VWA5B2: variants seen among roughly 807,000 people sequenced by gnomAD.
VWA5B2 encodes the protein von Willebrand factor A domain-containing protein 5B2.
Under a neutral mutation model 118.5 loss-of-function variants are expected in VWA5B2, and 93 were observed. The observed-to-expected ratio is 0.79, with a 90% CI of 0.66 to 0.93. The LOEUF (loss-of-function observed/expected upper bound fraction) is 0.93, where lower values mean the gene tolerates loss of function less well. VWA5B2 is among the 40% of genes least tolerant of loss of function. The pLI, the probability that VWA5B2 is intolerant of heterozygous loss-of-function variation, is 0.00. For synonymous variants in VWA5B2, 708 were observed against 716.3 expected, an observed-to-expected ratio of 0.99 and a Z score of 0.19; for missense variants, 1,546 against 1,672.8, an observed-to-expected ratio of 0.92 and a Z score of 1.32.
In VWA5B2 at chr3:184,239,017, C is replaced by T; in HGVS notation, c.2202+144C>T. On this transcript the variant is annotated intron_variant, in intron 14 of 19. Transcript: ENST00000691901. The surrounding 1 kb of genome is among the most constrained non-coding windows in gnomAD (Gnocchi z 5.1). Reference sequence around the variant, plus strand: ...AATCCCCAACGATACCATGTAACAACCAGTGATGAGCACAAGGACATGTAT... The same window carrying T: ...AATCCCCAACGATACCATGTAACAATCAGTGATGAGCACAAGGACATGTAT... 1.1e-6 allele frequency: 1 copy of T among 935,510 alleles called. No homozygotes were observed. Among genetic ancestry groups the T allele is most frequent in the Non-Finnish European group, 1.6e-6 (1 of 638,310 alleles). 58.0% of individuals were successfully genotyped at this position (935,510 alleles called of 1,614,324 possible). A position where few individuals can be genotyped will look rare whatever the true frequency, so the allele number is the denominator to read the frequency against.
rs1197566384 is a variant in VWA5B2, at chr3:184,236,278, G to C, written c.1212+16G>C. On this transcript the variant is annotated intron_variant, in intron 9 of 19. Coordinates refer to ENST00000691901, the MANE Select transcript of VWA5B2 (RefSeq NM_001390846.1). Reference sequence around the variant, plus strand: ...TTGCAGTGATGTGAGTGTGGTCCAGGGATCTGGGGGCCTTACAGAGAGGTT... The same window carrying C: ...TTGCAGTGATGTGAGTGTGGTCCAGCGATCTGGGGGCCTTACAGAGAGGTT... 2 of 1,551,724 alleles carry C rather than the reference G, an allele frequency of 1.3e-6. No individual in the cohort carries two copies. The highest frequency in any genetic ancestry group is 1.4e-5 in the African/African-American group (1 of 73,182).
rs1414566755 is a variant in VWA5B2, at chr3:184,241,484, C to T, written c.3181-6C>T. The T allele has an allele frequency of 3.2e-6, 5 of 1,554,056 alleles. No individual in the cohort carries two copies. Among genetic ancestry groups the T allele is most frequent in the Non-Finnish European group, 2.6e-6 (3 of 1,148,252 alleles). ...TCGCTTCTCCCCCCACCTCCTCTCTCCTCAGGTGCGGCTGCAGGAGGCACC... is the reference window on the plus strand; with the variant it reads ...TCGCTTCTCCCCCCACCTCCTCTCTTCTCAGGTGCGGCTGCAGGAGGCACC... On this transcript the variant is annotated splice_region_variant and splice_polypyrimidine_tract_variant and intron_variant, in intron 19 of 19. Transcript: ENST00000691901. This position sits in a 1 kb window ranked among gnomAD's most constrained non-coding sequence, Gnocchi z 5.1.
In VWA5B2 at chr3:184,239,986, A is replaced by C; in HGVS notation, c.2690A>C (p.Asp897Ala). 1 of 1,550,418 alleles carries C rather than the reference A, an allele frequency of 6.4e-7. No individual in the cohort carries two copies. Among genetic ancestry groups the C allele is most frequent in the Non-Finnish European group, 8.7e-7 (1 of 1,146,698 alleles). The change falls in exon 16 of 20, where the codon GAC becomes GCC. Residue 897 changes from aspartate (D) to alanine (A), a missense_variant. Asp to Ala is a moderately radical substitution (Grantham distance 126, BLOSUM62 -2). Transcript: ENST00000691901. This position sits in a 1 kb window ranked among gnomAD's most constrained non-coding sequence, Gnocchi z 5.1. ...HRLTAASVVR[D>A]NEQLALRGGA... is the part of the protein sequence containing the mutation. ...CTGACAGCAGCCTCTGTGGTCCGGG[A>C]CAATGAGCAGCTGGCCCTCCGAGGA...
At position 184,236,343 on chromosome 3, in the gene VWA5B2, G is replaced by C; in HGVS notation, c.1213G>C (p.Asp405His). 6.5e-7 allele frequency: 1 copy of C among 1,548,202 alleles called. No homozygotes were observed. Among genetic ancestry groups the C allele is most frequent in the Non-Finnish European group, 8.7e-7 (1 of 1,144,196 alleles). Residue 405 changes from aspartate (D) to histidine (H), a missense_variant and splice_region_variant, in exon 10 of 20, where the codon GAT becomes CAT. Asp to His is a moderately conservative substitution (Grantham distance 81). Coordinates refer to ENST00000691901, the MANE Select transcript of VWA5B2 (RefSeq NM_001390846.1). ...LFPESRPCSD[D>H]AVQLICESIE... ...CCCAGCCTGTGCCTTCTCGCTCCAG[G>C]ATGCTGTGCAGCTGATCTGCGAGAG... is the stretch of plus-strand genomic sequence containing the variant.
chr3:184,238,738 A>C lies in VWA5B2; in HGVS notation c.2067A>C (p.Ser689=), dbSNP rs1400255008. The change falls in exon 14 of 20, where the codon TCA becomes TCC. Residue 689 remains serine (S), a synonymous_variant. Transcript: ENST00000691901. This position sits in a 1 kb window ranked among gnomAD's most constrained non-coding sequence, Gnocchi z 5.0. ...GSTGSSESPG[S]QGPGSPEGSA... is the part of the protein sequence containing the mutation. ...CAGGCAGCAGTGAGTCCCCAGGCTC[A>C]CAGGGCCCTGGCTCCCCCGAAGGTA... 1 of 1,550,928 alleles carries C rather than the reference A, an allele frequency of 6.4e-7. No homozygotes were observed. Among genetic ancestry groups the C allele is most frequent in the South Asian group, 1.2e-5 (1 of 84,050 alleles).
intron 1 of VWA5B2, among the ~76,000 whole-genome samples, chr3:184,230,098 G>A (rs546428134): frequency 6.6e-6 from 1 of 152,230 alleles, no homozygotes; most frequent in African/African-American, 2.4e-5. Flanking sequence ...CCGCCTTCCC[G>A]GAGCATCTTC....
Position 184,239,620 on chromosome 3 carries a change from A to C in VWA5B2, c.2392+37A>C. The C allele has an allele frequency of 6.7e-7, 1 of 1,483,522 alleles. No homozygotes were observed. Among genetic ancestry groups the C allele is most frequent in the Non-Finnish European group, 9.0e-7 (1 of 1,108,334 alleles). The allele number at this position is 1,483,522 out of a possible 1,614,324, so 91.9% of individuals were successfully genotyped here. On this transcript the variant is annotated intron_variant, in intron 15 of 19. Coordinates refer to ENST00000691901, the MANE Select transcript of VWA5B2 (RefSeq NM_001390846.1). The surrounding 1 kb of genome is among the most constrained non-coding windows in gnomAD (Gnocchi z 5.1). Reference sequence around the variant, plus strand: ...ATGGGGAGCTGGTTTCCCTGACACCAAAGAGGCCTTGGGGAGGTAAAGCCC... The same window carrying C: ...ATGGGGAGCTGGTTTCCCTGACACCCAAGAGGCCTTGGGGAGGTAAAGCCC...
Position 184,236,584 on chromosome 3 carries a change from T to G in VWA5B2, c.1421+33T>G, listed in dbSNP as rs954412360. 8.4e-6 allele frequency: 13 copies of G among 1,548,102 alleles called. No individual in the cohort carries two copies. The African/African-American group carries it at 1.8e-4, about 21-fold the overall frequency. ...ATGGGCAGAACCAGATGCGTAAGACTGAGCCCCCACAAGGGGCTCCTGAAG... is the reference window on the plus strand; with the variant it reads ...ATGGGCAGAACCAGATGCGTAAGACGGAGCCCCCACAAGGGGCTCCTGAAG... On this transcript the variant is annotated intron_variant, in intron 10 of 19. Coordinates refer to ENST00000691901, the MANE Select transcript of VWA5B2 (RefSeq NM_001390846.1).
rs1461484466 is a variant in VWA5B2 at position 184,234,392 on chromosome 3, C to T, written c.815C>T (p.Pro272Leu). 1.9e-6 allele frequency: 3 copies of T among 1,551,652 alleles called. No individual in the cohort carries two copies. The African/African-American group carries it at 4.1e-5, about 21-fold the overall frequency. Residue 272 changes from proline (P) to leucine (L), a missense_variant, in exon 6 of 20, where the codon CCC becomes CTC. Coordinates refer to ENST00000691901, the MANE Select transcript of VWA5B2 (RefSeq NM_001390846.1). ...CGGGCCTTGGAGATCCTGCTGCACC[C>T]CAGTGGTGAGAGACTGGGACACACC... ...CDRALEILLHPSEPHQPHLML... is the reference protein window; with the variant it reads ...CDRALEILLHLSEPHQPHLML...
At chr3:184,230,726 G>T (rs1225989603) in intron 2 of VWA5B2, 21 bp from the exon 3 acceptor site, 9 of 1,216,082 alleles carry the variant, frequency 7.4e-6, no homozygotes, top group Non-Finnish European at 9.2e-6. Context: ...GTCCGACGCC[G>T]CCTCCCGCCG....
chr3:184,236,412 G>T lies in VWA5B2; in HGVS notation c.1282G>T (p.Ala428Ser). 1 of 1,545,998 alleles carries T rather than the reference G, an allele frequency of 6.5e-7. No homozygotes were observed. ...QVPSGPPDVLAALDWAVGQPQ... is the reference protein window; with the variant it reads ...QVPSGPPDVLSALDWAVGQPQ... ...TCCGAGTGGGCCCCCAGACGTGCTG[G>T]CTGCTCTGGACTGGGCCGTGGGGCA... Residue 428 changes from alanine (A) to serine (S), a missense_variant, in exon 10 of 20, where the codon GCT (alanine) becomes TCT (serine). Ala to Ser is a moderately conservative substitution (Grantham distance 99). Transcript: ENST00000691901.
rs1577086651 is a variant in VWA5B2 at position 184,233,445 on chromosome 3, T to A, written c.530+48T>A. 2 of 1,500,558 alleles carry A rather than the reference T, an allele frequency of 1.3e-6. No homozygotes were observed. Among genetic ancestry groups the A allele is most frequent in the Middle Eastern group, 1.7e-4 (1 of 5,724 alleles). 93.0% of individuals were successfully genotyped at this position (1,500,558 alleles called of 1,614,324 possible). A position where few individuals can be genotyped will look rare whatever the true frequency, so the allele number is the denominator to read the frequency against. ...TCGTCCCTCCCTCGGCTTCTCTGGG[T>A]CTAGTGCGGGTGAGGGGGCACTGGC... On this transcript the variant is annotated intron_variant, in intron 4 of 19. Transcript: ENST00000691901. This position sits in a 1 kb window ranked among gnomAD's most constrained non-coding sequence, Gnocchi z 5.2.
rs983190806 is a variant in VWA5B2 at position 184,233,073 on chromosome 3, G to A, written c.311-105G>A. 1.4e-5 allele frequency: 14 copies of A among 1,020,006 alleles called. No individual in the cohort carries two copies. The Middle Eastern group carries it at 8.4e-4, about 61-fold the overall frequency. The allele number at this position is 1,020,006 out of a possible 1,614,324, so 63.2% of individuals were successfully genotyped here. A position where few individuals can be genotyped will look rare whatever the true frequency, so the allele number is the denominator to read the frequency against. ...CATTAGCCTAGTGCCAACACGCAAA[G>A]TCCCCCTTGCCCAGGCTCCCTGACC... On this transcript the variant is annotated intron_variant, in intron 3 of 19. Transcript: ENST00000691901. The surrounding 1 kb of genome is among the most constrained non-coding windows in gnomAD (Gnocchi z 5.2).
chr3:184,230,351 T>G, intron 1 of VWA5B2, 29 bp from the exon 2 acceptor site: 1 of 701,614 alleles, frequency 1.4e-6, no homozygotes, highest in Non-Finnish European at 2.1e-6. Flanking sequence ...TGCCGCCCCC[T>G]TATCTCCCCC....
intron 11 of VWA5B2, 35 bp downstream of exon 11, chr3:184,236,784 GGAAGT>G: frequency 2.7e-6 from 4 of 1,458,966 alleles, no homozygotes; most frequent in Non-Finnish European, 3.6e-6. Context: ...CCCTACACCT[GGAAGT>G]TTTTCTCCCA....
chr3:184,239,925 G>GT lies in VWA5B2; in HGVS notation c.2630dup (p.Arg878LysfsTer22). The GT allele has an allele frequency of 6.4e-7, 1 of 1,551,490 alleles. No homozygotes were observed. Among genetic ancestry groups the GT allele is most frequent in the South Asian group, 1.2e-5 (1 of 84,062 alleles). On this transcript the variant is annotated frameshift_variant, in exon 16 of 20. Transcript: ENST00000691901. LOFTEE classifies it high-confidence loss of function. The surrounding 1 kb of genome is among the most constrained non-coding windows in gnomAD (Gnocchi z 5.1). The stretch of plus-strand genomic sequence containing the variant: ...TGGCTCACAGCCTCCCTCACCTCCT[G>GT]TAAGAGAAGCTGCTTGGGACCAAGC...
chr3:184,240,730 T>A, intron 16 of VWA5B2, 61 bp from the exon 17 acceptor site: 1 of 1,528,158 alleles, frequency 6.5e-7, no homozygotes, highest in Non-Finnish European at 8.8e-7. Context: ...CAATTTTTTC[T>A]ATGAGCCCTC....
Position 184,230,429 on chromosome 3 carries a change from G to T in VWA5B2, c.-100G>T. On this transcript the variant is annotated 5_prime_UTR_variant, in exon 2 of 20. Transcript: ENST00000691901. ...CGGCAGGCCCCGTCCGGGTGCTGGA[G>T]TGAGACTCTCGCGCTGGCCTCTGGA... The T allele has an allele frequency of 7.7e-7, 1 of 1,293,628 alleles. No individual in the cohort carries two copies. Among genetic ancestry groups the T allele is most frequent in the East Asian group, 3.2e-5 (1 of 30,892 alleles). 80.1% of individuals were successfully genotyped at this position (1,293,628 alleles called of 1,614,324 possible).
Position 184,241,712 on chromosome 3 carries a change from G to C in VWA5B2, c.3403G>C (p.Glu1135Gln), listed in dbSNP as rs2108436786. The part of the protein sequence containing the change: ...SCSPSPSSGS[E>Q]GPGQVDSGRG... ...CAGCCCGTCCCCCAGCTCGGGCTCT[G>C]AGGGGCCAGGCCAGGTGGACAGTGG... The change falls in exon 20 of 20, where the codon GAG becomes CAG. Residue 1135 changes from glutamate to glutamine, a missense_variant. Glu to Gln is a conservative substitution (Grantham distance 29). Coordinates refer to ENST00000691901, the MANE Select transcript of VWA5B2 (RefSeq NM_001390846.1). The surrounding 1 kb of genome is among the most constrained non-coding windows in gnomAD (Gnocchi z 5.1). 1.3e-6 allele frequency: 2 copies of C among 1,507,548 alleles called. No homozygotes were observed. Among genetic ancestry groups the C allele is most frequent in the Admixed American group, 2.1e-5 (1 of 48,468 alleles). The allele number at this position is 1,507,548 out of a possible 1,614,324, so 93.4% of individuals were successfully genotyped here.
Sources: allele counts gnomAD v4.1 joint callset (sites outside exome capture counted in the v4.1 genomes callset), GRCh38; gene constraint gnomAD v4.1.1; non-coding constraint Gnocchi (gnomAD v3.1); transcripts MANE v1.5; gene names NCBI Gene and HGNC (gene_info 2026-07-23, HGNC 2026-07-21).